CFAP57: variants seen among roughly 807,000 people sequenced by gnomAD.
CFAP57 encodes the protein cilia- and flagella-associated protein 57.
Under a neutral mutation model 146.8 loss-of-function variants are expected in CFAP57, and 116 were observed. The observed-to-expected ratio is 0.79, with a 90% CI of 0.68 to 0.92. The LOEUF (loss-of-function observed/expected upper bound fraction) is 0.92, where lower values mean the gene tolerates loss of function less well. CFAP57 is among the 40% of genes least tolerant of loss of function. The probability of loss-of-function intolerance (pLI) is 0.00; values close to 1 mark genes in which losing one functional copy is unlikely to be tolerated. For synonymous variants in CFAP57, 518 were observed against 552.8 expected, an observed-to-expected ratio of 0.94 and a Z score of 0.88; for missense variants, 1,377 against 1,527.2, an observed-to-expected ratio of 0.90 and a Z score of 1.64.
At chr1:43,218,473 T>A (rs567004755) in intron 12 of CFAP57, among the ~76,000 whole-genome samples, 1 of 151,722 alleles carries the variant, frequency 6.6e-6, no homozygotes, top group African/African-American at 2.4e-5. Context: ...CCAGGTGTGG[T>A]GGGGCATGCC....
rs187001333 is a variant in CFAP57, at chr1:43,219,314, C to T, written c.2092-68C>T. ...AGAGCTGCAGGTCTCAGGTCAAGGC[C>T]GCAGGTTTAAATATTCTGAGTCACC... On this transcript the variant is annotated intron_variant, in intron 12 of 22. Transcript: ENST00000372492. 91 of 1,476,336 alleles carry T rather than the reference C, an allele frequency of 6.2e-5. 1 individual carries two copies. In the Middle Eastern group the frequency reaches 1.1e-3, roughly 17 times the overall value. The allele number at this position is 1,476,336 out of a possible 1,614,324, so 91.5% of individuals were successfully genotyped here.
intron 16 of CFAP57, 79 bp downstream of exon 16, chr1:43,223,076 TG>T: frequency 7.0e-7 from 1 of 1,429,752 alleles, no homozygotes; most frequent in South Asian, 1.5e-5. Flanking sequence ...CTGACCGGCC[TG>T]GGGGTGCTGG....
At chr1:43,232,473 T>C (rs1335782564) in intron 18 of CFAP57, 35 bp from the exon 19 acceptor site, 15 of 1,522,100 alleles carry the variant, frequency 9.9e-6, no homozygotes, top group Non-Finnish European at 1.3e-5. Flanking sequence ...TATCTAACTT[T>C]CTTCTTCTTG....
chr1:43,242,327 G>A (rs1174008923), intron 21 of CFAP57, among the ~76,000 whole-genome samples: 1 of 152,154 alleles, frequency 6.6e-6, no homozygotes, highest in South Asian at 2.1e-4. Flanking sequence ...GCACTAAACT[G>A]TAAACTCCTC....
intron 9 of CFAP57, 146 bp from the exon 10 acceptor site, chr1:43,206,574 C>A (rs1362441896): frequency 8.4e-6 from 6 of 714,570 alleles, no homozygotes; most frequent in African/African-American, 1.8e-5. Flanking sequence ...TCACAAGAAG[C>A]TATGTTTTGT....
intron 9 of CFAP57, among the ~76,000 whole-genome samples, chr1:43,202,799 GA>G (rs11316733): frequency 0.18 from 26,762 of 147,314 alleles, 3,465 homozygotes; most frequent in African/African-American, 0.35. Context: ...AAAACAAAAT[GA>G]AAAAAAAATT....
intron 16 of CFAP57, among the ~76,000 whole-genome samples, chr1:43,223,502 C>T (rs1267421639): frequency 1.3e-5 from 2 of 152,170 alleles, no homozygotes; most frequent in African/African-American, 4.8e-5. Flanking sequence ...TTTTAGTTCA[C>T]TCACCATCAG....
At chr1:43,200,350 G>T (rs11801233) in intron 9 of CFAP57, among the ~76,000 whole-genome samples, 185 of 151,974 alleles carry the variant, frequency 1.2e-3, no homozygotes, top group African/African-American at 4.3e-3. Flanking sequence ...AGCCAGGTGT[G>T]GTGGCACACA....
intron 6 of CFAP57, among the ~76,000 whole-genome samples, chr1:43,191,281 G>A (rs1211837812): frequency 1.3e-5 from 2 of 151,848 alleles, no homozygotes; most frequent in African/African-American, 2.4e-5. Flanking sequence ...ATTTCTGTAA[G>A]CTTAATGGTA....
intron 9 of CFAP57, among the ~76,000 whole-genome samples, chr1:43,200,028 G>A (rs903169185): frequency 1.3e-5 from 2 of 151,954 alleles, no homozygotes; most frequent in East Asian, 3.9e-4. Flanking sequence ...AGACTTTCAG[G>A]GCAGAGAATA....
chr1:43,214,868 A>G (rs754824039), intron 11 of CFAP57, among the ~76,000 whole-genome samples: 6 of 152,192 alleles, frequency 3.9e-5, no homozygotes, highest in Non-Finnish European at 8.8e-5. Context: ...ATTTTCCTAA[A>G]TGGCTAATAA....
At chr1:43,187,921 A>C (rs924131441) in intron 6 of CFAP57, among the ~76,000 whole-genome samples, 20 of 152,082 alleles carry the variant, frequency 1.3e-4, no homozygotes, top group African/African-American at 4.1e-4. Context: ...TTCCCACCTC[A>C]GCTTCCCAAG....
Position 43,219,472 on chromosome 1 carries a change from GAGA to G in CFAP57, c.2186_2188del (p.Lys729del). On this transcript the variant is annotated inframe_deletion, in exon 13 of 23. Transcript: ENST00000372492. ...CCGACTAAAGGACATGAACTATTCT[GAGA>G]AGATTAAGGAGCTAACAGACAAGTT... 6.4e-7 allele frequency: 1 copy of G among 1,550,584 alleles called. No homozygotes were observed. Among genetic ancestry groups the G allele is most frequent in the East Asian group, 2.4e-5 (1 of 40,922 alleles).
At chr1:43,229,671 G>A (rs775300792) in intron 18 of CFAP57, among the ~76,000 whole-genome samples, 12 of 148,592 alleles carry the variant, frequency 8.1e-5, no homozygotes, top group Non-Finnish European at 1.2e-4. Flanking sequence ...GAGGTTTCCC[G>A]AGGCTTGTCG....
chr1:43,179,834 T>C lies in CFAP57; in HGVS notation c.158-1700T>C, dbSNP rs557808647. 1.5e-4 allele frequency among the ~76,000 whole-genome samples: 23 copies of C among 152,254 alleles called. 1 individual carries two copies. Among genetic ancestry groups the C allele is most frequent in the African/African-American group, 4.3e-4 (18 of 41,548 alleles). On this transcript the variant is annotated intron_variant, in intron 2 of 22. Transcript: ENST00000372492. ...TTCTCCCTCTCTTTGGGAAATGCAA[T>C]CAGGGTCACATTATTGTTTTCGAGG...
intron 18 of CFAP57, among the ~76,000 whole-genome samples, chr1:43,229,670 C>T (rs78805711): frequency 5.4e-5 from 8 of 148,456 alleles, no homozygotes; most frequent in African/African-American, 7.6e-5. Context: ...AGAGGTTTCC[C>T]GAGGCTTGTC....
At chr1:43,178,032 G>C (rs1645239752) in intron 2 of CFAP57, among the ~76,000 whole-genome samples, 1 of 152,178 alleles carries the variant, frequency 6.6e-6, no homozygotes, top group African/African-American at 2.4e-5. Context: ...ATCTATGTGA[G>C]AGGTGAAGGA....
At chr1:43,208,313 G>T (rs1489004126) in intron 10 of CFAP57, among the ~76,000 whole-genome samples, 1 of 152,084 alleles carries the variant, frequency 6.6e-6, no homozygotes, top group Non-Finnish European at 1.5e-5. Flanking sequence ...TATACCCAAA[G>T]GATTATAAAT....
At chr1:43,239,224 A>C (rs371172954) in intron 21 of CFAP57, among the ~76,000 whole-genome samples, 5 of 145,358 alleles carry the variant, frequency 3.4e-5, no homozygotes, top group Non-Finnish European at 7.4e-5. Context: ...CTTTTCTTAC[A>C]TGAATACGTG....
Sources: gnomAD v4.1 joint callset for allele counts (sites outside exome capture counted in the v4.1 genomes callset) on GRCh38, gnomAD v4.1.1 for gene constraint, MANE v1.5 for transcripts, NCBI Gene and HGNC (gene_info 2026-07-23, HGNC 2026-07-21) for gene names.